EPHA2: variants seen among roughly 807,000 people sequenced by gnomAD.
The protein encoded by EPHA2 is EPH receptor A2, also known as ephrin type-A receptor 2.
EPHA2 carries 54 observed loss-of-function variants against 104.9 expected under a neutral mutation model. That is an observed-to-expected ratio of 0.51 (90% CI 0.41 to 0.65). The LOEUF is 0.65. EPHA2 is among the 30% of genes least tolerant of loss of function. EPHA2 has a pLI of 0.00. For synonymous variants in EPHA2, 560 were observed against 559.1 expected (o/e 1.00, Z -0.02); for missense variants, 1,117 against 1,369.5 (o/e 0.82, Z 2.91).
Position 16,139,284 on chromosome 1 carries a change from C to T in EPHA2, c.824-854G>A, listed in dbSNP as rs1202133755. Among the ~76,000 whole-genome samples the T allele has an allele frequency of 3.3e-5, 5 of 152,214 alleles. No homozygotes were observed. In the East Asian group the frequency reaches 9.6e-4, roughly 29 times the overall value. On this transcript the variant is annotated intron_variant, in intron 3 of 16. Transcript: ENST00000358432. ...CAGACACAGGGCTCACGGTGCAGGG[C>T]TGTCCAGGGCTTGGGCAGCTGCTGA...
rs757876769 is a variant in EPHA2 at position 16,131,868 on chromosome 1, G to A, written c.2328C>T (p.Gly776=). 1.5e-5 allele frequency: 24 copies of A among 1,613,408 alleles called. No homozygotes were observed. The highest frequency in any genetic ancestry group is 2.2e-5 in the East Asian group (1 of 44,892). Residue 776 remains glycine, a splice_region_variant and synonymous_variant, in exon 14 of 17, where the codon GGC becomes GGT. Transcript: ENST00000358432. This position sits in a 1 kb window ranked among gnomAD's most constrained non-coding sequence, Gnocchi z 5.2. The stretch of plus-strand genomic sequence containing the variant: ...CGGTCCAGCGGATGGGGATCTTGCC[G>A]CCCTGCAGGGAACCCAGGCCCAGTC... The part of the protein sequence containing the change: ...DDPEATYTTS[G]GKIPIRWTAP...
chr1:16,149,395 G>A (rs1020562014), intron 2 of EPHA2, among the ~76,000 whole-genome samples: 4 of 152,160 alleles, frequency 2.6e-5, no homozygotes, highest in Non-Finnish European at 4.4e-5. Flanking sequence ...GAATTGCTGT[G>A]AGGATAAAGG....
At chr1:16,153,101 C>G (rs904949445) in intron 1 of EPHA2, 55 of 982,796 alleles carry the variant, frequency 5.6e-5, no homozygotes, top group Non-Finnish European at 6.6e-5. Context: ...CATGAGCTCT[C>G]TATCCCCTTA....
chr1:16,141,852 T>C (rs1044527139), intron 3 of EPHA2, among the ~76,000 whole-genome samples: 1 of 152,158 alleles, frequency 6.6e-6, no homozygotes, highest in Non-Finnish European at 1.5e-5. Context: ...AGAGGCAGCG[T>C]CAACAGGGCA....
At chr1:16,149,086 TG>T in intron 2 of EPHA2, 39 bp from the exon 3 acceptor site, 1 of 1,604,412 alleles carries the variant, frequency 6.2e-7, no homozygotes, top group East Asian at 2.2e-5. Flanking sequence ...GGCAGGTGCC[TG>T]GGGAAACTGA....
chr1:16,151,054 A>G, intron 1 of EPHA2, 91 bp from the exon 2 acceptor site: 1 of 1,322,114 alleles, frequency 7.6e-7, no homozygotes, highest in Non-Finnish European at 1.1e-6. Flanking sequence ...CAGGAACCCC[A>G]ACTCTCAGAC....
Position 16,135,655 on chromosome 1 carries a change from CT to C in EPHA2, c.1427del (p.Lys476ArgfsTer17). The C allele has an allele frequency of 6.2e-7, 1 of 1,613,944 alleles. No homozygotes were observed. On this transcript the variant is annotated frameshift_variant and splice_region_variant, in exon 6 of 17. Coordinates refer to ENST00000358432, the MANE Select transcript of EPHA2 (RefSeq NM_004431.5). LOFTEE classifies it high-confidence loss of function. This position sits in a 1 kb window ranked among gnomAD's most constrained non-coding sequence, Gnocchi z 4.3. ...VWKYEVTYRK[K>X]GDSNSYNVRR... Reference sequence around the variant, plus strand: ...CCAGCCCCGCCCCTCTGGGAGTTACCTTCTTGCGGTAAGTGACCTCGTACTT... The same window carrying C: ...CCAGCCCCGCCCCTCTGGGAGTTACCTCTTGCGGTAAGTGACCTCGTACTT...
chr1:16,142,982 T>TG (rs1444547933), intron 3 of EPHA2, among the ~76,000 whole-genome samples: 49 of 113,266 alleles, frequency 4.3e-4, no homozygotes, highest in Non-Finnish European at 6.0e-4. Context: ...GGTGGAGGGA[T>TG]GAATGGATGG....
rs941273155 is a variant in EPHA2 at position 16,125,923 on chromosome 1, G to A, written c.2826-603C>T. Among the ~76,000 whole-genome samples, 4 of 152,176 alleles carry A rather than the reference G, an allele frequency of 2.6e-5. No homozygotes were observed. The highest frequency in any genetic ancestry group is 9.7e-5 in the African/African-American group (4 of 41,430). On this transcript the variant is annotated intron_variant, in intron 16 of 16. Coordinates refer to ENST00000358432, the MANE Select transcript of EPHA2 (RefSeq NM_004431.5). The surrounding 1 kb of genome is among the most constrained non-coding windows in gnomAD (Gnocchi z 4.9). ...CTTCCAAGTTCCCACTGCTGATCATGAAGGAAGGACTTGGGAAATACTTGA... is the reference window on the plus strand; with the variant it reads ...CTTCCAAGTTCCCACTGCTGATCATAAAGGAAGGACTTGGGAAATACTTGA...
Position 16,130,375 on chromosome 1 carries a change from C to T in EPHA2, c.2520G>A (p.Met840Ile), listed in dbSNP as rs1434356630. The T allele has an allele frequency of 6.4e-7, 1 of 1,571,770 alleles. No homozygotes were observed. Among genetic ancestry groups the T allele is most frequent in the Non-Finnish European group, 8.7e-7 (1 of 1,153,540 alleles). ...INDGFRLPTP[M>I]DCPSAIYQLM... is the part of the protein sequence containing the mutation. Reference sequence around the variant, plus strand: ...GCTGGTAGATGGCGGAGGGGCAGTCCATGGGTGTGGGGAGCCGGAAGCCAT... The same window carrying T: ...GCTGGTAGATGGCGGAGGGGCAGTCTATGGGTGTGGGGAGCCGGAAGCCAT... The change falls in exon 15 of 17, where the codon ATG becomes ATA. Residue 840 changes from methionine to isoleucine, a missense_variant. Physicochemically the swap from Met to Ile is conservative, Grantham distance 10. Around this residue, in one of 3 missense-constraint regions of EPHA2, gnomAD observed 340 missense variants for 480.5 expected, o/e 0.71. Transcript: ENST00000358432. This position sits in a 1 kb window ranked among gnomAD's most constrained non-coding sequence, Gnocchi z 4.5.
Position 16,134,952 on chromosome 1 carries a change from T to A in EPHA2, c.1582+84A>T. 1.3e-6 allele frequency: 2 copies of A among 1,583,234 alleles called. No individual in the cohort carries two copies. Among genetic ancestry groups the A allele is most frequent in the Non-Finnish European group, 1.7e-6 (2 of 1,167,202 alleles). ...CCGAGAAAGGGGCATTTCTAAGTTA[T>A]TTGATTCACTTCCTTTCCCAAGATG... On this transcript the variant is annotated intron_variant, in intron 7 of 16. Transcript: ENST00000358432. This position sits in a 1 kb window ranked among gnomAD's most constrained non-coding sequence, Gnocchi z 4.5.
rs762156695 is a variant in EPHA2 at position 16,129,641 on chromosome 1, G to A, written c.2670-52C>T. ...GGGCTGCAGCACCCAGTCCACCCTG[G>A]GCCCTGCACCTGCTGCTCCCTAACC... is the stretch of plus-strand genomic sequence containing the variant. On this transcript the variant is annotated intron_variant, in intron 15 of 16. Transcript: ENST00000358432. The A allele has an allele frequency of 4.5e-6, 7 of 1,566,414 alleles. No individual in the cohort carries two copies. The Admixed American group carries it at 1.1e-4, about 24-fold the overall frequency.
chr1:16,132,355 C>G, intron 12 of EPHA2, 23 bp downstream of exon 12: 1 of 1,614,140 alleles, frequency 6.2e-7, no homozygotes, highest in Non-Finnish European at 8.5e-7. Flanking sequence ...GGCATCCCCG[C>G]CCCCTACAAC....
rs760902307 is a variant in EPHA2, at chr1:16,130,322, C to T, written c.2573G>A (p.Arg858His). ...QLMMQCWQQE[R>H]ARRPKFADIV... ...GTCAGCGAACTTGGGGCGGCGGGCA[C>T]GCTCCTGCTGCCAGCACTGCATCAT... The change falls in exon 15 of 17, where the codon CGT becomes CAT. Residue 858 changes from arginine to histidine, a missense_variant. Arg to His is a conservative substitution (Grantham distance 29). Coordinates refer to ENST00000358432, the MANE Select transcript of EPHA2 (RefSeq NM_004431.5). The surrounding 1 kb of genome is among the most constrained non-coding windows in gnomAD (Gnocchi z 4.5). 7.5e-6 allele frequency: 12 copies of T among 1,606,612 alleles called. No individual in the cohort carries two copies. The highest frequency in any genetic ancestry group is 4.5e-5 in the East Asian group (2 of 44,698).
At chr1:16,126,584 A>G (rs1215118546) in intron 16 of EPHA2, among the ~76,000 whole-genome samples, 1 of 152,240 alleles carries the variant, frequency 6.6e-6, no homozygotes, top group Admixed American at 6.5e-5. Context: ...CTACCTGCAC[A>G]GGACGTTTCT....
chr1:16,131,599 A>T lies in EPHA2; in HGVS notation c.2475+122T>A. 1 of 1,386,942 alleles carries T rather than the reference A, an allele frequency of 7.2e-7. No individual in the cohort carries two copies. Among genetic ancestry groups the T allele is most frequent in the Non-Finnish European group, 9.8e-7 (1 of 1,020,416 alleles). The allele number at this position is 1,386,942 out of a possible 1,614,324, so 85.9% of individuals were successfully genotyped here. A position where few individuals can be genotyped will look rare whatever the true frequency, so the allele number is the denominator to read the frequency against. On this transcript the variant is annotated intron_variant, in intron 14 of 16. Coordinates refer to ENST00000358432, the MANE Select transcript of EPHA2 (RefSeq NM_004431.5). This position sits in a 1 kb window ranked among gnomAD's most constrained non-coding sequence, Gnocchi z 5.2. ...CCGTCTCCAAAAAAAAAAAATAAAC[A>T]TTTATGGAGCAAGCCTAAGAAGGTT...
In EPHA2 at chr1:16,134,693, G is replaced by A. The variant is rs2024647356; in HGVS notation, c.1583-126C>T. 1.9e-6 allele frequency: 2 copies of A among 1,037,010 alleles called. No individual in the cohort carries two copies. Among genetic ancestry groups the A allele is most frequent in the Admixed American group, 4.0e-5 (2 of 50,430 alleles). The allele number at this position is 1,037,010 out of a possible 1,614,324, so 64.2% of individuals were successfully genotyped here. A position where few individuals can be genotyped will look rare whatever the true frequency, so the allele number is the denominator to read the frequency against. On this transcript the variant is annotated intron_variant, in intron 7 of 16. Coordinates refer to ENST00000358432, the MANE Select transcript of EPHA2 (RefSeq NM_004431.5). This position sits in a 1 kb window ranked among gnomAD's most constrained non-coding sequence, Gnocchi z 4.5. ...GCTTGCACTTGGGAAGGCTCCAGAG[G>A]GTACTTAGTCCCATTTCATAGACGG...
chr1:16,135,725 C>G lies in EPHA2; in HGVS notation c.1358G>C (p.Ser453Thr). The G allele has an allele frequency of 1.2e-6, 2 of 1,613,548 alleles. No homozygotes were observed. Among genetic ancestry groups the G allele is most frequent in the Non-Finnish European group, 1.7e-6 (2 of 1,179,942 alleles). Residue 453 changes from serine (S) to threonine (T), a missense_variant, in exon 6 of 17, where the codon AGC (serine) becomes ACC (threonine). Around this residue, in one of 3 missense-constraint regions of EPHA2, gnomAD observed 664 missense variants for 784.8 expected, o/e 0.85. Coordinates refer to ENST00000358432, the MANE Select transcript of EPHA2 (RefSeq NM_004431.5). The surrounding 1 kb of genome is among the most constrained non-coding windows in gnomAD (Gnocchi z 4.3). The part of the protein sequence containing the change: ...RLEGRSTTSL[S>T]VSWSIPPPQQ... ...CGGCGGGGGGATGCTCCAGGAGACG[C>G]TAAGCGAGGTGGTGCTGCGGCCCTC... is the stretch of plus-strand genomic sequence containing the variant.
chr1:16,147,686 C>A (rs1194694493), intron 3 of EPHA2, among the ~76,000 whole-genome samples: 2 of 150,386 alleles, frequency 1.3e-5, no homozygotes, highest in African/African-American at 4.9e-5. Context: ...ATTATCACAG[C>A]CACCCTACGA....
Sources: allele counts gnomAD v4.1 joint callset (sites outside exome capture counted in the v4.1 genomes callset), GRCh38; gene constraint gnomAD v4.1.1; regional missense constraint gnomAD v4.1.1; non-coding constraint Gnocchi (gnomAD v3.1); transcripts MANE v1.5; gene names NCBI Gene and HGNC (gene_info 2026-07-23, HGNC 2026-07-21).